The following EYS variants were observed in gnomAD, a reference collection of about 807,000 sequenced individuals.
EYS encodes protein eyes shut homolog.
EYS carries 250 observed loss-of-function variants against 282.1 expected under a neutral mutation model. The ratio of observed to expected loss-of-function variants is 0.89; its 90% CI spans 0.80 to 0.98. The LOEUF (loss-of-function observed/expected upper bound fraction) is 0.98. Among genes scored for constraint, EYS ranks in the 50% least tolerant of loss-of-function variants. EYS has a pLI of 0.00. For missense variants in EYS, 4,016 were observed against 3,709.0 expected (o/e 1.08, Z -2.15); for synonymous variants, 1,355 against 1,282.9 (o/e 1.06, Z -1.20).
chr6:65,144,576 T>C (rs12194969), intron 12 of EYS, among the ~76,000 whole-genome samples: 6,430 of 152,202 alleles, frequency 0.042, 194 homozygotes, highest in Middle Eastern at 0.065. Flanking sequence ...CTTAAAAACT[T>C]AATACAAATT....
intron 35 of EYS, among the ~76,000 whole-genome samples, chr6:63,916,140 T>C (rs775349974): frequency 6.6e-6 from 1 of 152,216 alleles, no homozygotes; most frequent in Non-Finnish European, 1.5e-5. Flanking sequence ...TAAGAAATTG[T>C]CACTGCCATC....
chr6:64,446,730 T>C (rs777340429), intron 26 of EYS, among the ~76,000 whole-genome samples: 8 of 152,204 alleles, frequency 5.3e-5, no homozygotes, highest in Non-Finnish European at 1.0e-4. Context: ...AGTTTGATAA[T>C]TACTCTGTAG....
intron 31 of EYS, among the ~76,000 whole-genome samples, chr6:64,204,924 T>C (rs1054011603): frequency 1.3e-5 from 2 of 152,148 alleles, no homozygotes; most frequent in African/African-American, 4.8e-5. Context: ...GGACTGAAAC[T>C]TGCAGCTTTG....
chr6:64,810,428 T>C (rs1583181573), intron 22 of EYS, among the ~76,000 whole-genome samples: 1 of 152,152 alleles, frequency 6.6e-6, no homozygotes, highest in East Asian at 1.9e-4. Flanking sequence ...TTGACAGCAC[T>C]TACTATATCA....
At chr6:64,376,425 CA>C (rs1772563159) in intron 29 of EYS, among the ~76,000 whole-genome samples, 1 of 152,154 alleles carries the variant, frequency 6.6e-6, no homozygotes, top group Non-Finnish European at 1.5e-5. Context: ...GGGGAAAAAT[CA>C]GTGTTAGCAA....
chr6:63,993,997 G>T (rs1172710052), intron 34 of EYS, among the ~76,000 whole-genome samples: 1 of 151,892 alleles, frequency 6.6e-6, no homozygotes, highest in Non-Finnish European at 1.5e-5. Context: ...TGGACACATG[G>T]TCAAATGATC....
rs1169982809 is a variant in EYS, at chr6:64,770,105, T to G, written c.3443+43273A>C. On this transcript the variant is annotated intron_variant, in intron 22 of 42. Transcript: ENST00000503581. ...GTCTCTCAATCTTTGTTTTACTGCT[T>G]AGTAGATTCTAGAAATGTTTTCTTA... Among the ~76,000 whole-genome samples the G allele has an allele frequency of 2.6e-5, 4 of 151,932 alleles. No homozygotes were observed. The East Asian group carries it at 7.7e-4, about 29-fold the overall frequency.
At chr6:64,866,221 A>C (rs974995115) in intron 19 of EYS, among the ~76,000 whole-genome samples, 3 of 151,916 alleles carry the variant, frequency 2.0e-5, no homozygotes, top group Non-Finnish European at 2.9e-5. Context: ...GATTATTTGG[A>C]ATTTACTGAT....
chr6:65,637,142 A>G (rs185992527), intron 2 of EYS, among the ~76,000 whole-genome samples: 9 of 152,274 alleles, frequency 5.9e-5, no homozygotes, highest in Admixed American at 5.2e-4. Flanking sequence ...ATTATTTACT[A>G]TATGTCTTCC....
rs138475583 is a variant in EYS at position 64,924,789 on chromosome 6, C to T, written c.2382-12046G>A. Among the ~76,000 whole-genome samples, 1,051 of 152,300 alleles carry T rather than the reference C, an allele frequency of 6.9e-3. 7 individuals carry two copies. The highest frequency in any genetic ancestry group is 0.013 in the South Asian group (61 of 4,826). On this transcript the variant is annotated intron_variant, in intron 15 of 42. Transcript: ENST00000503581. The stretch of plus-strand genomic sequence containing the variant: ...CCTTTTCTCCAGTTCCCAACAAGTT[C>T]TTCATCTCCATCTGAGACCACTGCA...
chr6:64,598,416 G>A (rs1163277287), intron 24 of EYS, among the ~76,000 whole-genome samples: 1 of 152,198 alleles, frequency 6.6e-6, no homozygotes, highest in Admixed American at 6.5e-5. Context: ...AGCCAAGATT[G>A]CGCCACTGCA....
chr6:64,401,332 G>A (rs1430097776), intron 28 of EYS, among the ~76,000 whole-genome samples: 1 of 152,030 alleles, frequency 6.6e-6, no homozygotes, highest in Non-Finnish European at 1.5e-5. Context: ...ACCTGAGTAT[G>A]TGTGTATCTA....
At chr6:65,142,164 C>A (rs570332647) in intron 12 of EYS, among the ~76,000 whole-genome samples, 2 of 151,848 alleles carry the variant, frequency 1.3e-5, no homozygotes, top group Non-Finnish European at 2.9e-5. Context: ...ATAGTATATA[C>A]GTATTTTATA....
At chr6:64,968,954 G>C (rs975213532) in intron 14 of EYS, among the ~76,000 whole-genome samples, 9 of 152,090 alleles carry the variant, frequency 5.9e-5, no homozygotes, top group African/African-American at 2.2e-4. Context: ...TCTCTAATGA[G>C]GTACCCCAGC....
At chr6:64,538,475 A>C (rs1249236854) in intron 26 of EYS, among the ~76,000 whole-genome samples, 1 of 152,172 alleles carries the variant, frequency 6.6e-6, no homozygotes. Context: ...TCAAAACCAT[A>C]TAGTGTTTTT....
chr6:65,032,377 C>A (rs1226166898), intron 13 of EYS, among the ~76,000 whole-genome samples: 1 of 152,110 alleles, frequency 6.6e-6, no homozygotes, highest in Non-Finnish European at 1.5e-5. Context: ...ATGAAATCCT[C>A]CATGCTGGAG....
rs918680141 is a variant in EYS, at chr6:64,388,858, A to G, written c.5928-18T>C. 1 of 1,471,894 alleles carries G rather than the reference A, an allele frequency of 6.8e-7. No homozygotes were observed. The highest frequency in any genetic ancestry group is 1.4e-5 in the African/African-American group (1 of 69,658). 91.2% of individuals were successfully genotyped at this position (1,471,894 alleles called of 1,614,324 possible). A position where few individuals can be genotyped will look rare whatever the true frequency, so the allele number is the denominator to read the frequency against. ...ATTCTTGCCTGTAACCATTTAAGAA[A>G]GAAATGGTTTTAGTATAAGTCATAT... is the stretch of plus-strand genomic sequence containing the variant. On this transcript the variant is annotated intron_variant, in intron 28 of 42. Transcript: ENST00000503581.
At chr6:65,356,705 C>T (rs1378871374) in intron 8 of EYS, among the ~76,000 whole-genome samples, 1 of 152,026 alleles carries the variant, frequency 6.6e-6, no homozygotes, top group African/African-American at 2.4e-5. Context: ...TTTGTGATTG[C>T]AGCTCTTAAT....
intron 14 of EYS, among the ~76,000 whole-genome samples, chr6:64,972,454 A>T (rs1218546598): frequency 6.6e-6 from 1 of 151,372 alleles, no homozygotes; most frequent in Non-Finnish European, 1.5e-5. Flanking sequence ...CACCTCTGCG[A>T]CTCCTGAGAC....
Sources: gnomAD v4.1 joint callset for allele counts (sites outside exome capture counted in the v4.1 genomes callset) on GRCh38, gnomAD v4.1.1 for gene constraint, MANE v1.5 for transcripts, NCBI Gene and HGNC (gene_info 2026-07-23, HGNC 2026-07-21) for gene names.